Variants in MAP7 observed in about 807,000 individuals in gnomAD.
MAP7 encodes the protein ensconsin.
In MAP7, 52 loss-of-function variants were observed where a neutral mutation model predicts 94.8. The observed-to-expected ratio is 0.55, with a 90% CI of 0.44 to 0.69. The LOEUF is 0.69. Ranked by LOEUF, MAP7 falls within the 30% of genes least tolerant of loss-of-function variation. MAP7 has a pLI of 0.00. For synonymous variants in MAP7, 350 were observed against 357.0 expected, an observed-to-expected ratio of 0.98 and a Z score of 0.22; for missense variants, 940 against 964.6, an observed-to-expected ratio of 0.97 and a Z score of 0.34.
chr6:136,494,591 T>C (rs913146228), intron 1 of MAP7, among the ~76,000 whole-genome samples: 6 of 152,182 alleles, frequency 3.9e-5, no homozygotes, highest in African/African-American at 1.4e-4. Context: ...TCTTTTACCA[T>C]GATTAAGAAA....
chr6:136,462,886 T>C (rs1805702630), intron 1 of MAP7, among the ~76,000 whole-genome samples: 1 of 145,464 alleles, frequency 6.9e-6, no homozygotes, highest in Admixed American at 7.1e-5. Context: ...TGCTTGAGCC[T>C]GGGAGGCAGA....
chr6:136,495,427 T>G (rs1439470499), intron 1 of MAP7, among the ~76,000 whole-genome samples: 2 of 151,464 alleles, frequency 1.3e-5, no homozygotes, highest in Non-Finnish European at 2.9e-5. Context: ...TAGGTTTATT[T>G]TCATGACAAG....
At chr6:136,460,046 T>C (rs942493220) in intron 1 of MAP7, among the ~76,000 whole-genome samples, 10 of 152,154 alleles carry the variant, frequency 6.6e-5, no homozygotes, top group African/African-American at 2.2e-4. Context: ...CACCCACTTT[T>C]GAATCCCACT....
At chr6:136,480,904 G>T (rs1812655706) in intron 1 of MAP7, among the ~76,000 whole-genome samples, 1 of 152,068 alleles carries the variant, frequency 6.6e-6, no homozygotes, top group African/African-American at 2.4e-5. Flanking sequence ...TATGTAAGGA[G>T]CACAAACAGC....
intron 1 of MAP7, among the ~76,000 whole-genome samples, chr6:136,473,253 C>T (rs1809660187): frequency 6.6e-6 from 1 of 152,190 alleles, no homozygotes; most frequent in Admixed American, 6.5e-5. Context: ...AACAGCATTA[C>T]TGCAGGAGGA....
At chr6:136,535,470 G>GA (rs912520199) in intron 1 of MAP7, among the ~76,000 whole-genome samples, 5 of 151,190 alleles carry the variant, frequency 3.3e-5, no homozygotes, top group Non-Finnish European at 7.4e-5. Context: ...TCTGACAAAA[G>GA]AAAAAAAAAT....
intron 3 of MAP7, among the ~76,000 whole-genome samples, chr6:136,400,956 T>C (rs571819848): frequency 5.3e-5 from 8 of 151,496 alleles, no homozygotes; most frequent in South Asian, 4.1e-4. Context: ...AAATGGTCTA[T>C]AAAGTTAGTC....
intron 1 of MAP7, among the ~76,000 whole-genome samples, chr6:136,442,765 G>A (rs894192673): frequency 6.6e-6 from 1 of 152,186 alleles, no homozygotes; most frequent in East Asian, 1.9e-4. Context: ...GGTTTAAGAG[G>A]TGTTGTTGAT....
At chr6:136,486,452 T>C (rs1194035626) in intron 1 of MAP7, among the ~76,000 whole-genome samples, 1 of 152,214 alleles carries the variant, frequency 6.6e-6, no homozygotes, top group African/African-American at 2.4e-5. Context: ...ATCAACTGTT[T>C]TCAAATTAAA....
At chr6:136,510,986 G>A (rs908913686) in intron 1 of MAP7, among the ~76,000 whole-genome samples, 1 of 152,000 alleles carries the variant, frequency 6.6e-6, no homozygotes, top group African/African-American at 2.4e-5. Flanking sequence ...GATATCGTAG[G>A]TGGTGTGGAA....
rs751102847 is a variant in MAP7 at position 136,362,671 on chromosome 6, C to T, written c.1305G>A (p.Ser435=). The stretch of plus-strand genomic sequence containing the variant: ...CTGGGGCCGAGGCTGGAGCTGGGGC[C>T]GAGGCTGGAGCTGGGGCCATGGCTG... ...AAPAMAPAPA[S]APAPASAPAP... is the part of the protein sequence containing the mutation. Residue 435 remains serine (S), a synonymous_variant, in exon 11 of 18, where the codon TCG becomes TCA. Transcript: ENST00000354570. The T allele has an allele frequency of 1.9e-5, 31 of 1,606,022 alleles. 2 individuals carry two copies. In the South Asian group the frequency reaches 2.0e-4, roughly 10 times the overall value.
intron 1 of MAP7, among the ~76,000 whole-genome samples, chr6:136,501,799 C>T (rs1819902631): frequency 6.6e-6 from 1 of 152,074 alleles, no homozygotes; most frequent in Admixed American, 6.6e-5. Flanking sequence ...GATAAGGCTC[C>T]AGATGAAGCC....
intron 17 of MAP7, among the ~76,000 whole-genome samples, chr6:136,345,570 T>A (rs984256168): frequency 1.3e-5 from 2 of 152,154 alleles, no homozygotes; most frequent in Non-Finnish European, 2.9e-5. Flanking sequence ...ATGCATGATG[T>A]CGGGTAATGG....
Position 136,344,250 on chromosome 6 carries a change from G to T in MAP7, c.2240-12C>A. On this transcript the variant is annotated splice_polypyrimidine_tract_variant and intron_variant, in intron 17 of 17. Coordinates refer to ENST00000354570, the MANE Select transcript of MAP7 (RefSeq NM_003980.6). Reference sequence around the variant, plus strand: ...CACTCATATAACTTCTACATGAAGAGACAGAAAAAGAACAAGATTAATATG... The same window carrying T: ...CACTCATATAACTTCTACATGAAGATACAGAAAAAGAACAAGATTAATATG... The T allele has an allele frequency of 7.7e-7, 1 of 1,302,320 alleles. No homozygotes were observed. Among genetic ancestry groups the T allele is most frequent in the Non-Finnish European group, 1.0e-6 (1 of 973,016 alleles). 80.7% of individuals were successfully genotyped at this position (1,302,320 alleles called of 1,614,324 possible).
intron 9 of MAP7, 111 bp from the exon 10 acceptor site, chr6:136,366,129 T>C (rs1428540349): frequency 8.4e-7 from 1 of 1,184,166 alleles, no homozygotes; most frequent in African/African-American, 1.5e-5. Context: ...TCCGTGTATT[T>C]GTTTTTTATG....
At chr6:136,476,489 C>T (rs1810956555) in intron 1 of MAP7, among the ~76,000 whole-genome samples, 1 of 152,106 alleles carries the variant, frequency 6.6e-6, no homozygotes. Flanking sequence ...TAACTTCAAA[C>T]ATTTTAACTC....
intron 1 of MAP7, among the ~76,000 whole-genome samples, chr6:136,453,138 G>T (rs1329787983): frequency 6.6e-6 from 1 of 152,146 alleles, no homozygotes; most frequent in Non-Finnish European, 1.5e-5. Context: ...TTAATCTGAA[G>T]TTTGCCACAA....
rs568196569 is a variant in MAP7 at position 136,343,526 on chromosome 6, T to A, written c.*702A>T. 10 of 152,764 alleles carry A rather than the reference T, an allele frequency of 6.5e-5. No individual in the cohort carries two copies. The highest frequency in any genetic ancestry group is 1.2e-4 in the Non-Finnish European group (8 of 68,032). The allele number at this position is 152,764 out of a possible 1,614,324, so 9.5% of individuals were successfully genotyped here. A position where few individuals can be genotyped will look rare whatever the true frequency, so the allele number is the denominator to read the frequency against. On this transcript the variant is annotated 3_prime_UTR_variant, in exon 18 of 18. Transcript: ENST00000354570. ...ACATTATTCTAATTTATTTGATTAG[T>A]TTATCTGGAAAAACTTTATAAATAC...
intron 1 of MAP7, chr6:136,525,958 C>A: frequency 6.6e-7 from 1 of 1,504,310 alleles, no homozygotes; most frequent in Admixed American, 2.4e-5. Flanking sequence ...GTAGCTGATC[C>A]AGGCATACCG....
Sources: gnomAD v4.1 joint callset for allele counts (sites outside exome capture counted in the v4.1 genomes callset) on GRCh38, gnomAD v4.1.1 for gene constraint, MANE v1.5 for transcripts, NCBI Gene and HGNC (gene_info 2026-07-23, HGNC 2026-07-21) for gene names.